The following PLXDC2 variants were observed in gnomAD, a reference collection of about 807,000 sequenced individuals.
PLXDC2 encodes plexin domain-containing protein 2.
A neutral mutation model predicts 68.9 loss-of-function variants in PLXDC2; 40 were observed. The observed-to-expected ratio is 0.58, with a 90% CI of 0.45 to 0.76. The LOEUF (loss-of-function observed/expected upper bound fraction) is 0.76. Ranked by LOEUF, PLXDC2 falls within the 30% of genes least tolerant of loss-of-function variation. The pLI is 0.00. For synonymous variants in PLXDC2, 243 were observed against 234.2 expected (o/e 1.04, Z -0.34); for missense variants, 644 against 661.9 (o/e 0.97, Z 0.30).
intron 13 of PLXDC2, among the ~76,000 whole-genome samples, chr10:20,256,528 ATACT>A (rs1835744363): frequency 1.3e-5 from 2 of 152,176 alleles, no homozygotes; most frequent in African/African-American, 4.8e-5. Context: ...AAAGAAGAAA[ATACT>A]TTCTTTTACA....
chr10:19,864,467 T>C (rs1258055334), intron 1 of PLXDC2, among the ~76,000 whole-genome samples: 2 of 152,192 alleles, frequency 1.3e-5, no homozygotes, highest in Non-Finnish European at 2.9e-5. Context: ...TCTCAAATTC[T>C]TTGTGAAAAT....
At chr10:20,007,025 A>G (rs531356996) in intron 2 of PLXDC2, among the ~76,000 whole-genome samples, 2 of 152,334 alleles carry the variant, frequency 1.3e-5, no homozygotes, top group African/African-American at 4.8e-5. Context: ...AGGTGTCGGG[A>G]AATAGTCACT....
At position 20,282,006 on chromosome 10, in the gene PLXDC2, C is replaced by G. The variant is rs958926329; in HGVS notation, c.*2187C>G. Reference sequence around the variant, plus strand: ...TCAAGTAGTAATGTTATTCTTATACCCTTCAGCGTTCTATTTTGATTCAAA... The same window carrying G: ...TCAAGTAGTAATGTTATTCTTATACGCTTCAGCGTTCTATTTTGATTCAAA... On this transcript the variant is annotated 3_prime_UTR_variant, in exon 14 of 14. Coordinates refer to ENST00000377252, the MANE Select transcript of PLXDC2 (RefSeq NM_032812.9). 6 of 151,986 alleles carry G rather than the reference C, an allele frequency of 3.9e-5. No individual in the cohort carries two copies. The South Asian group carries it at 1.2e-3, about 32-fold the overall frequency. The allele number at this position is 151,986 out of a possible 1,614,324, so 9.4% of individuals were successfully genotyped here.
chr10:20,265,912 C>T (rs1835866355), intron 13 of PLXDC2, among the ~76,000 whole-genome samples: 1 of 152,132 alleles, frequency 6.6e-6, no homozygotes, highest in African/African-American at 2.4e-5. Context: ...TTTCCTGCCC[C>T]ACCAACGGGA....
chr10:20,035,660 C>A (rs1341164690), intron 2 of PLXDC2, among the ~76,000 whole-genome samples: 1 of 152,036 alleles, frequency 6.6e-6, no homozygotes, highest in Non-Finnish European at 1.5e-5. Flanking sequence ...TGCACCACAG[C>A]ACTCCAGCCT....
At chr10:19,915,939 A>G (rs1459107871) in intron 1 of PLXDC2, among the ~76,000 whole-genome samples, 1 of 152,036 alleles carries the variant, frequency 6.6e-6, no homozygotes, top group African/African-American at 2.4e-5. Flanking sequence ...TTAGGAATAG[A>G]GAGCTTATTT....
intron 1 of PLXDC2, among the ~76,000 whole-genome samples, chr10:19,948,174 GT>G (rs1282078592): frequency 1.3e-5 from 2 of 152,092 alleles, no homozygotes; most frequent in African/African-American, 4.8e-5. Flanking sequence ...TCCTTGGCAT[GT>G]GTTATGTAGT....
chr10:20,045,881 G>A (rs939956004), intron 2 of PLXDC2, among the ~76,000 whole-genome samples: 1 of 151,926 alleles, frequency 6.6e-6, no homozygotes, highest in African/African-American at 2.4e-5. Context: ...ATCAGAATTA[G>A]CCAATAATTA....
chr10:19,999,043 C>T (rs1283202295), intron 1 of PLXDC2, among the ~76,000 whole-genome samples: 1 of 152,122 alleles, frequency 6.6e-6, no homozygotes, highest in Admixed American at 6.6e-5. Flanking sequence ...TTTGGAGCTC[C>T]TTTTCATTTG....
At chr10:19,909,876 G>A (rs1311496252) in intron 1 of PLXDC2, among the ~76,000 whole-genome samples, 1 of 152,110 alleles carries the variant, frequency 6.6e-6, no homozygotes, top group East Asian at 1.9e-4. Context: ...ACTATAAAAT[G>A]AGTGTATGTT....
At chr10:20,156,290 G>T (rs1329780269) in intron 6 of PLXDC2, among the ~76,000 whole-genome samples, 1 of 152,116 alleles carries the variant, frequency 6.6e-6, no homozygotes, top group Non-Finnish European at 1.5e-5. Flanking sequence ...AATGTGAGCA[G>T]TCTTAACTCA....
intron 4 of PLXDC2, among the ~76,000 whole-genome samples, chr10:20,128,697 C>T (rs1833825581): frequency 6.6e-6 from 1 of 152,144 alleles, no homozygotes; most frequent in South Asian, 2.1e-4. Context: ...CCATTCTACT[C>T]TCTGATTCTA....
chr10:20,195,086 G>C (rs1217372165), intron 9 of PLXDC2, among the ~76,000 whole-genome samples: 1 of 151,888 alleles, frequency 6.6e-6, no homozygotes, highest in Non-Finnish European at 1.5e-5. Context: ...TTCATAAAAT[G>C]GTTCTCAAAT....
intron 13 of PLXDC2, among the ~76,000 whole-genome samples, chr10:20,265,515 A>G (rs1350398552): frequency 1.3e-5 from 2 of 152,210 alleles, no homozygotes; most frequent in Non-Finnish European, 2.9e-5. Flanking sequence ...AGCAATTGGT[A>G]ATTTACACAT....
intron 9 of PLXDC2, among the ~76,000 whole-genome samples, chr10:20,205,181 C>CTTGT (rs559190691): frequency 1.3e-3 from 204 of 152,088 alleles, no homozygotes; most frequent in African/African-American, 4.6e-3. Context: ...GAGAACATTG[C>CTTGT]TTGTTTTCTA....
chr10:20,273,755 G>A (rs766243896), intron 13 of PLXDC2, among the ~76,000 whole-genome samples: 47 of 152,192 alleles, frequency 3.1e-4, no homozygotes, highest in African/African-American at 8.0e-4. Context: ...AATGGCTCAC[G>A]CGTGTAATCC....
At chr10:20,080,351 C>T (rs1836529943) in intron 4 of PLXDC2, among the ~76,000 whole-genome samples, 1 of 135,684 alleles carries the variant, frequency 7.4e-6, no homozygotes, top group South Asian at 2.4e-4. Context: ...AAGGCGAAGT[C>T]CCCCAACAAG....
At chr10:20,025,852 A>C (rs1201362547) in intron 2 of PLXDC2, among the ~76,000 whole-genome samples, 1 of 151,718 alleles carries the variant, frequency 6.6e-6, no homozygotes, top group Non-Finnish European at 1.5e-5. Flanking sequence ...ATTATTATTC[A>C]TTTTTTCACC....
At chr10:19,981,482 T>G (rs1834548435) in intron 1 of PLXDC2, among the ~76,000 whole-genome samples, 1 of 152,184 alleles carries the variant, frequency 6.6e-6, no homozygotes. Context: ...CCGTTGGAGA[T>G]GATGGGTGAA....
Sources: allele counts gnomAD v4.1 joint callset (sites outside exome capture counted in the v4.1 genomes callset), GRCh38; gene constraint gnomAD v4.1.1; transcripts MANE v1.5; gene names NCBI Gene and HGNC (gene_info 2026-07-23, HGNC 2026-07-21).